The following CCDC148 variants were observed in gnomAD, a reference collection of about 807,000 sequenced individuals.
The protein encoded by CCDC148 is coiled-coil domain-containing protein 148.
CCDC148 carries 89 observed loss-of-function variants against 85.7 expected under a neutral mutation model. The ratio of observed to expected loss-of-function variants is 1.04; its 90% CI spans 0.87 to 1.24. The LOEUF (loss-of-function observed/expected upper bound fraction) is 1.24. CCDC148 is among the 50% of genes most tolerant of loss of function. The probability of loss-of-function intolerance (pLI) is 0.00; values close to 1 mark genes in which losing one functional copy is unlikely to be tolerated. For synonymous variants in CCDC148, 230 were observed against 213.9 expected (o/e 1.08, Z -0.66); for missense variants, 692 against 671.7 (o/e 1.03, Z -0.33).
chr2:158,351,288 G>A (rs1448078715), intron 2 of CCDC148, among the ~76,000 whole-genome samples: 3 of 152,222 alleles, frequency 2.0e-5, no homozygotes, highest in East Asian at 1.9e-4. Context: ...GAGTGACGCA[G>A]AAGACGGGTG....
intron 11 of CCDC148, among the ~76,000 whole-genome samples, chr2:158,182,544 C>T (rs16842711): frequency 0.017 from 2,517 of 152,132 alleles, 68 homozygotes; most frequent in African/African-American, 0.054. Context: ...CAAACAAGTC[C>T]TGCAGCAAAA....
At chr2:158,224,547 C>T (rs1478241036) in intron 10 of CCDC148, among the ~76,000 whole-genome samples, 7 of 152,046 alleles carry the variant, frequency 4.6e-5, no homozygotes, top group Non-Finnish European at 8.8e-5. Context: ...TTAAGGGCAG[C>T]CAGAGAGAAA....
chr2:158,410,636 C>A (rs1230665644), intron 1 of CCDC148, among the ~76,000 whole-genome samples: 4 of 152,238 alleles, frequency 2.6e-5, no homozygotes, highest in Non-Finnish European at 5.9e-5. Context: ...ACTTTTATCA[C>A]CCCTCACATA....
At chr2:158,312,052 C>CTAA (rs1692045801) in intron 8 of CCDC148, among the ~76,000 whole-genome samples, 2 of 152,062 alleles carry the variant, frequency 1.3e-5, no homozygotes, top group African/African-American at 4.8e-5. Flanking sequence ...CAGTATAGAC[C>CTAA]ATGACTCTGA....
chr2:158,294,245 G>A (rs1691063050), intron 9 of CCDC148, among the ~76,000 whole-genome samples: 1 of 152,084 alleles, frequency 6.6e-6, no homozygotes, highest in Non-Finnish European at 1.5e-5. Context: ...ACATGCTGTT[G>A]CTTGTATCAG....
chr2:158,202,332 A>C (rs114249659), intron 11 of CCDC148, among the ~76,000 whole-genome samples: 1 of 152,198 alleles, frequency 6.6e-6, no homozygotes, highest in Non-Finnish European at 1.5e-5. Flanking sequence ...TGAGTGTTAT[A>C]CTGTGGAAGT....
chr2:158,294,292 T>G (rs997831570), intron 9 of CCDC148, among the ~76,000 whole-genome samples: 1 of 152,098 alleles, frequency 6.6e-6, no homozygotes, highest in African/African-American at 2.4e-5. Flanking sequence ...AATATTCCAT[T>G]GTATGGAAGT....
chr2:158,424,317 C>A (rs1326742979), intron 1 of CCDC148, among the ~76,000 whole-genome samples: 2 of 152,064 alleles, frequency 1.3e-5, no homozygotes, highest in African/African-American at 4.8e-5. Flanking sequence ...GGAACCAACC[C>A]AAATGTCCAT....
chr2:158,330,341 C>T (rs1693031412), intron 7 of CCDC148, among the ~76,000 whole-genome samples: 1 of 152,212 alleles, frequency 6.6e-6, no homozygotes, highest in Non-Finnish European at 1.5e-5. Context: ...ACCAGCCTTG[C>T]ATCCCAGGGA....
chr2:158,326,635 C>G (rs1215638719), intron 7 of CCDC148, among the ~76,000 whole-genome samples: 1 of 152,006 alleles, frequency 6.6e-6, no homozygotes, highest in Non-Finnish European at 1.5e-5. Context: ...ATCATTTGTA[C>G]CTGATATGTT....
chr2:158,245,268 G>A (rs951582357), intron 10 of CCDC148, among the ~76,000 whole-genome samples: 1 of 152,178 alleles, frequency 6.6e-6, no homozygotes, highest in Admixed American at 6.5e-5. Flanking sequence ...GAGATCCCCT[G>A]AGGGGGTGGG....
intron 1 of CCDC148, among the ~76,000 whole-genome samples, chr2:158,423,663 C>T (rs188008883): frequency 6.6e-6 from 1 of 152,248 alleles, no homozygotes; most frequent in African/African-American, 2.4e-5. Context: ...TGGGCAAAGA[C>T]TTCATGACTA....
At chr2:158,371,723 C>CAT (rs57355662) in intron 1 of CCDC148, among the ~76,000 whole-genome samples, 17 of 150,572 alleles carry the variant, frequency 1.1e-4, no homozygotes, top group East Asian at 2.0e-4. Flanking sequence ...GGCATGTATA[C>CAT]ATATATATAT....
chr2:158,260,765 A>G (rs1689190009), intron 9 of CCDC148, among the ~76,000 whole-genome samples: 1 of 152,066 alleles, frequency 6.6e-6, no homozygotes, highest in Non-Finnish European at 1.5e-5. Flanking sequence ...CTGATTCACA[A>G]TTGTCACAAA....
At chr2:158,387,421 C>T (rs1349225361) in intron 1 of CCDC148, among the ~76,000 whole-genome samples, 1 of 152,076 alleles carries the variant, frequency 6.6e-6, no homozygotes, top group Non-Finnish European at 1.5e-5. Flanking sequence ...AGTGAGAAGT[C>T]CAGCTGCCGT....
chr2:158,179,106 A>AT (rs557913954), intron 11 of CCDC148, 110 bp from the exon 12 acceptor site: 32,391 of 437,258 alleles, frequency 0.074, 36 homozygotes, highest in East Asian at 0.099. Context: ...GCACTGTCAC[A>AT]TTTTTTTTTT....
rs1405708508 is a variant in CCDC148 at position 158,220,791 on chromosome 2, C to T, written c.1252-78G>A. 4.5e-6 allele frequency: 5 copies of T among 1,100,836 alleles called. No individual in the cohort carries two copies. The African/African-American group carries it at 6.6e-5, about 14-fold the overall frequency. The allele number at this position is 1,100,836 out of a possible 1,614,324, so 68.2% of individuals were successfully genotyped here. The stretch of plus-strand genomic sequence containing the variant: ...GAGGGAAAAGCCATAACCATATCCA[C>T]TGGTTCGTATTACAAAATTGAATTT... On this transcript the variant is annotated intron_variant, in intron 10 of 13. Transcript: ENST00000283233.
intron 7 of CCDC148, among the ~76,000 whole-genome samples, chr2:158,329,399 G>C (rs1376291030): frequency 6.6e-6 from 1 of 152,210 alleles, no homozygotes; most frequent in Non-Finnish European, 1.5e-5. Context: ...CCAGTACCAT[G>C]CTGTTTTGGT....
Position 158,296,799 on chromosome 2 carries a change from T to A in CCDC148, c.1110+12634A>T, listed in dbSNP as rs182378257. 4.9e-3 allele frequency among the ~76,000 whole-genome samples: 754 copies of A among 152,340 alleles called. 12 individuals carry two copies. Among genetic ancestry groups the A allele is most frequent in the Admixed American group, 0.03 (454 of 15,302 alleles). ...CTACTTGGAATATTTTACTTGGAACTAATATGTAGATTCATCAAGTCCTCG... is the reference window on the plus strand; with the variant it reads ...CTACTTGGAATATTTTACTTGGAACAAATATGTAGATTCATCAAGTCCTCG... On this transcript the variant is annotated intron_variant, in intron 9 of 13. Coordinates refer to ENST00000283233, the MANE Select transcript of CCDC148 (RefSeq NM_138803.4).
Sources: allele counts gnomAD v4.1 joint callset (sites outside exome capture counted in the v4.1 genomes callset), GRCh38; gene constraint gnomAD v4.1.1; transcripts MANE v1.5; gene names NCBI Gene and HGNC (gene_info 2026-07-23, HGNC 2026-07-21).